Variants in LARGE1 observed in about 807,000 individuals in gnomAD.
The protein encoded by LARGE1 is LARGE xylosyl- and glucuronyltransferase 1.
In LARGE1, 43 loss-of-function variants were observed where a neutral mutation model predicts 87.6. That is an observed-to-expected ratio of 0.49 (90% confidence interval 0.38 to 0.63). The LOEUF is 0.63. Ranked by LOEUF, LARGE1 falls within the 30% of genes least tolerant of loss-of-function variation. The probability of loss-of-function intolerance (pLI) is 0.00; values close to 1 mark genes in which losing one functional copy is unlikely to be tolerated. For missense variants in LARGE1, 802 were observed against 1,000.2 expected, an observed-to-expected ratio of 0.80 and a Z score of 2.67; for synonymous variants, 434 against 394.6, an observed-to-expected ratio of 1.10 and a Z score of -1.18.
intron 6 of LARGE1, among the ~76,000 whole-genome samples, chr22:33,512,881 C>T (rs533708793): frequency 1.3e-5 from 2 of 152,346 alleles, no homozygotes; most frequent in South Asian, 4.1e-4. Flanking sequence ...CTAATTTTCT[C>T]TTGTCTTCAA....
intron 2 of LARGE1, among the ~76,000 whole-genome samples, chr22:33,674,355 C>T (rs1046027019): frequency 7.2e-5 from 11 of 152,172 alleles, no homozygotes; most frequent in Non-Finnish European, 1.0e-4. Context: ...ATAGTCTTTA[C>T]TTGTTTATTA....
intron 6 of LARGE1, among the ~76,000 whole-genome samples, chr22:33,470,513 G>A (rs2068783820): frequency 6.6e-6 from 1 of 152,148 alleles, no homozygotes; most frequent in South Asian, 2.1e-4. Flanking sequence ...TATTCCTTTT[G>A]CTCCACGTTC....
intron 10 of LARGE1, among the ~76,000 whole-genome samples, chr22:33,329,729 A>G (rs1212336993): frequency 2.0e-5 from 3 of 152,172 alleles, no homozygotes; most frequent in Non-Finnish European, 4.4e-5. Flanking sequence ...AACGGCATAC[A>G]CTTTAGCAGC....
intron 6 of LARGE1, among the ~76,000 whole-genome samples, chr22:33,531,091 A>G (rs955317253): frequency 2.0e-5 from 3 of 152,188 alleles, no homozygotes; most frequent in Non-Finnish European, 4.4e-5. Flanking sequence ...GACACCTGAC[A>G]ACATCAAGCC....
chr22:33,096,913 A>G, the LARGE1 span, among the ~76,000 whole-genome samples: 15 of 152,278 alleles, frequency 9.9e-5, no homozygotes, highest in East Asian at 2.7e-3. Flanking sequence ...CGATGACTGG[A>G]TATGTTCAAA....
chr22:33,586,616 C>A lies in LARGE1; in HGVS notation c.615+17819G>T, dbSNP rs182350551. On this transcript the variant is annotated intron_variant, in intron 5 of 14. Transcript: ENST00000397394. ...GGGACTACAGGCGCCCACCACCACG[C>A]CTGGCTAATTTTTTGTATTTTTAGT... is the stretch of plus-strand genomic sequence containing the variant. Among the ~76,000 whole-genome samples the A allele has an allele frequency of 3.2e-3, 487 of 152,258 alleles. 2 individuals carry two copies. The highest frequency in any genetic ancestry group is 0.011 in the African/African-American group (462 of 41,526).
In LARGE1 at chr22:33,348,161, C is replaced by G. The variant is rs538734633; in HGVS notation, c.1132-10360G>C. 1.7e-4 allele frequency among the ~76,000 whole-genome samples: 26 copies of G among 152,182 alleles called. No homozygotes were observed. The East Asian group carries it at 1.9e-3, about 11-fold the overall frequency. On this transcript the variant is annotated intron_variant, in intron 9 of 14. Coordinates refer to ENST00000397394, the MANE Select transcript of LARGE1 (RefSeq NM_133642.5). The stretch of plus-strand genomic sequence containing the variant: ...AGGGGACTATTCTGAAACACAGGCA[C>G]TTTAAATTGGGTTTAAAGTACTGGG...
intron 11 of LARGE1, among the ~76,000 whole-genome samples, chr22:33,179,203 T>C (rs953979859): frequency 6.6e-6 from 1 of 152,170 alleles, no homozygotes; most frequent in African/African-American, 2.4e-5. Flanking sequence ...TTGGAAGGCA[T>C]ATTCAAACCA....
At chr22:33,674,988 T>C (rs2081524242) in intron 2 of LARGE1, among the ~76,000 whole-genome samples, 1 of 151,316 alleles carries the variant, frequency 6.6e-6, no homozygotes, top group Non-Finnish European at 1.5e-5. Context: ...AAAAAGTTTG[T>C]TTGCTTAAAA....
At chr22:33,790,228 T>A (rs1399359596) in intron 1 of LARGE1, among the ~76,000 whole-genome samples, 2 of 152,230 alleles carry the variant, frequency 1.3e-5, no homozygotes. Context: ...ATGTAAGACA[T>A]GACTTTGCTG....
intron 7 of LARGE1, among the ~76,000 whole-genome samples, chr22:33,385,657 C>T (rs953529238): frequency 1.4e-5 from 2 of 145,826 alleles, no homozygotes; most frequent in Non-Finnish European, 3.0e-5. Flanking sequence ...TGAGAAGCAA[C>T]TATCTACCAT....
At chr22:33,725,724 C>T (rs892886077) in intron 2 of LARGE1, 4 of 152,184 alleles carry the variant, frequency 2.6e-5, no homozygotes, top group African/African-American at 9.7e-5. Context: ...TTTCCACTTG[C>T]CTCTCACGGC....
At chr22:33,504,406 C>T (rs1305411701) in intron 6 of LARGE1, among the ~76,000 whole-genome samples, 2 of 152,122 alleles carry the variant, frequency 1.3e-5, no homozygotes, top group Non-Finnish European at 2.9e-5. Flanking sequence ...GTTACAGGTG[C>T]CCACCGCCAT....
intron 9 of LARGE1, among the ~76,000 whole-genome samples, chr22:33,374,037 A>G (rs1430821405): frequency 6.6e-6 from 1 of 150,990 alleles, no homozygotes; most frequent in Non-Finnish European, 1.5e-5. Flanking sequence ...TTCCACCAGT[A>G]TACCTTGATT....
At chr22:33,102,242 C>T in the LARGE1 span, among the ~76,000 whole-genome samples, 3 of 150,978 alleles carry the variant, frequency 2.0e-5, no homozygotes, top group Non-Finnish European at 4.4e-5. Flanking sequence ...AATCTTGACT[C>T]ACTGCAACCT....
At chr22:33,863,481 C>T (rs1568996250) in intron 1 of LARGE1, among the ~76,000 whole-genome samples, 1 of 151,882 alleles carries the variant, frequency 6.6e-6, no homozygotes, top group Non-Finnish European at 1.5e-5. Context: ...AAGGAGGAGC[C>T]AGGCCCAGTG....
intron 6 of LARGE1, among the ~76,000 whole-genome samples, chr22:33,558,732 G>A (rs1312773825): frequency 6.6e-6 from 1 of 152,158 alleles, no homozygotes; most frequent in Non-Finnish European, 1.5e-5. Flanking sequence ...CTCCTTCGAG[G>A]CAACTGATTA....
chr22:33,819,310 A>G (rs1358921963), intron 1 of LARGE1, among the ~76,000 whole-genome samples: 1 of 152,172 alleles, frequency 6.6e-6, no homozygotes, highest in East Asian at 1.9e-4. Flanking sequence ...TTCATGGCAG[A>G]GCTGAAAAAT....
intron 6 of LARGE1, among the ~76,000 whole-genome samples, chr22:33,488,134 C>G (rs547372591): frequency 1.3e-5 from 2 of 152,270 alleles, no homozygotes; most frequent in South Asian, 4.1e-4. Flanking sequence ...TTCCAAATGT[C>G]TAGAATTGTG....
Sources: gnomAD v4.1 joint callset for allele counts (sites outside exome capture counted in the v4.1 genomes callset) on GRCh38, gnomAD v4.1.1 for gene constraint, MANE v1.5 for transcripts, NCBI Gene and HGNC (gene_info 2026-07-23, HGNC 2026-07-21) for gene names.